DEXI: variants seen among roughly 807,000 people sequenced by gnomAD.
DEXI encodes the protein dexamethasone-induced protein.
DEXI carries 2 observed loss-of-function variants against 2.5 expected under a neutral mutation model. That is an observed-to-expected ratio of 0.81 (90% CI 0.33 to 2.55). The LOEUF (loss-of-function observed/expected upper bound fraction) is 2.55, where lower values mean the gene tolerates loss of function less well. DEXI is among the 30% of genes most tolerant of loss of function. DEXI has a pLI of 0.11. For synonymous variants in DEXI, 71 were observed against 68.7 expected, an observed-to-expected ratio of 1.03 and a Z score of -0.17; for missense variants, 108 against 130.3, an observed-to-expected ratio of 0.83 and a Z score of 0.83.
Position 10,929,522 on chromosome 16 carries a change from A to C in DEXI, c.*187T>G. 6.1e-6 allele frequency: 6 copies of C among 985,524 alleles called. No individual in the cohort carries two copies. The highest frequency in any genetic ancestry group is 7.2e-6 in the Non-Finnish European group (6 of 829,950). 61.0% of individuals were successfully genotyped at this position (985,524 alleles called of 1,614,324 possible). A position where few individuals can be genotyped will look rare whatever the true frequency, so the allele number is the denominator to read the frequency against. On this transcript the variant is annotated 3_prime_UTR_variant, in exon 2 of 2. Coordinates refer to ENST00000331808, the MANE Select transcript of DEXI (RefSeq NM_014015.4). This position sits in a 1 kb window ranked among gnomAD's most constrained non-coding sequence, Gnocchi z 4.3. ...TCCACTCTCCTGGGTTCAAACAGGA[A>C]CCTCTCTGTTGGCACGAAGCTTTTG...
rs189717734 is a variant in DEXI at position 10,937,399 on chromosome 16, G to A, written c.*149+4170C>T. The A allele has an allele frequency of 6.6e-6, 1 of 152,526 alleles. No individual in the cohort carries two copies. The highest frequency in any genetic ancestry group is 6.5e-5 in the Admixed American group (1 of 15,310). 9.4% of individuals were successfully genotyped at this position (152,526 alleles called of 1,614,324 possible). ...CCTGGGCAGCTCTATGTCCGGCACAGGGGTTCTGCTGATAGCACAGGCCAC... is the reference window on the plus strand; with the variant it reads ...CCTGGGCAGCTCTATGTCCGGCACAAGGGTTCTGCTGATAGCACAGGCCAC... On this transcript the variant is annotated intron_variant, in intron 1 of 1. Transcript: ENST00000331808. This position sits in a 1 kb window ranked among gnomAD's most constrained non-coding sequence, Gnocchi z 4.2.
At position 10,937,763 on chromosome 16, in the gene DEXI, C is replaced by T. The variant is rs2041049145; in HGVS notation, c.*149+3806G>A. ...AGGCCAGCCACTGCAGCCCTTTCTC[C>T]TGGGAAGGAGGGAGCTCCCGATTCC... On this transcript the variant is annotated intron_variant, in intron 1 of 1. Transcript: ENST00000331808. This position sits in a 1 kb window ranked among gnomAD's most constrained non-coding sequence, Gnocchi z 4.2. 1 of 152,270 alleles carries T rather than the reference C, an allele frequency of 6.6e-6. No individual in the cohort carries two copies. The highest frequency in any genetic ancestry group is 2.4e-5 in the African/African-American group (1 of 41,444). The allele number at this position is 152,270 out of a possible 1,614,324, so 9.4% of individuals were successfully genotyped here.
chr16:10,935,259 T>C (rs762875120), intron 1 of DEXI: 8 of 152,226 alleles, frequency 5.3e-5, no homozygotes, highest in Admixed American at 1.3e-4. Flanking sequence ...GAATCACATA[T>C]AGTGAGCAAG....
chr16:10,942,270 C>T lies in DEXI; in HGVS notation c.-265G>A, dbSNP rs563208905. 1,219 of 338,616 alleles carry T rather than the reference C, an allele frequency of 3.6e-3. 12 individuals are homozygous for T. Among genetic ancestry groups the T allele is most frequent in the Middle Eastern group, 0.025 (29 of 1,174 alleles). The allele number at this position is 338,616 out of a possible 1,614,324, so 21.0% of individuals were successfully genotyped here. On this transcript the variant is annotated 5_prime_UTR_variant, in exon 1 of 2. Coordinates refer to ENST00000331808, the MANE Select transcript of DEXI (RefSeq NM_014015.4). The surrounding 1 kb of genome is among the most constrained non-coding windows in gnomAD (Gnocchi z 5.0). ...GCCCCCCTGAAGTGGCCCGCGGCTG[C>T]CCGGCTCCCTCGTGGCGCCTCCCTG... is the stretch of plus-strand genomic sequence containing the variant.
Position 10,938,311 on chromosome 16 carries a change from T to C in DEXI, c.*149+3258A>G, listed in dbSNP as rs1216401924. 6.7e-6 allele frequency: 1 copy of C among 149,738 alleles called. No homozygotes were observed. The highest frequency in any genetic ancestry group is 2.0e-4 in the East Asian group (1 of 5,066). 9.3% of individuals were successfully genotyped at this position (149,738 alleles called of 1,614,324 possible). ...TAACCATGACCCTAATACTGCCTCC[T>C]CAAGTAGGTGCTCAGCAAATGTTTG... On this transcript the variant is annotated intron_variant, in intron 1 of 1. Coordinates refer to ENST00000331808, the MANE Select transcript of DEXI (RefSeq NM_014015.4). The surrounding 1 kb of genome is among the most constrained non-coding windows in gnomAD (Gnocchi z 4.9).
At position 10,934,041 on chromosome 16, in the gene DEXI, C is replaced by T. The variant is rs1042513215; in HGVS notation, c.*150-4482G>A. The T allele has an allele frequency of 6.6e-6, 1 of 152,210 alleles. No individual in the cohort carries two copies. Among genetic ancestry groups the T allele is most frequent in the African/African-American group, 2.4e-5 (1 of 41,454 alleles). 9.4% of individuals were successfully genotyped at this position (152,210 alleles called of 1,614,324 possible). A position where few individuals can be genotyped will look rare whatever the true frequency, so the allele number is the denominator to read the frequency against. ...CAACGTCACAGAGAAATGATGACCA[C>T]TTTCTCAAACCTGGCTTCGGATTTG... On this transcript the variant is annotated intron_variant, in intron 1 of 1. Transcript: ENST00000331808. The surrounding 1 kb of genome is among the most constrained non-coding windows in gnomAD (Gnocchi z 4.2).
rs2040933335 is a variant in DEXI at position 10,934,360 on chromosome 16, T to C, written c.*150-4801A>G. 6.6e-6 allele frequency: 1 copy of C among 152,188 alleles called. No homozygotes were observed. The highest frequency in any genetic ancestry group is 1.5e-5 in the Non-Finnish European group (1 of 68,038). The allele number at this position is 152,188 out of a possible 1,614,324, so 9.4% of individuals were successfully genotyped here. A position where few individuals can be genotyped will look rare whatever the true frequency, so the allele number is the denominator to read the frequency against. On this transcript the variant is annotated intron_variant, in intron 1 of 1. Coordinates refer to ENST00000331808, the MANE Select transcript of DEXI (RefSeq NM_014015.4). This position sits in a 1 kb window ranked among gnomAD's most constrained non-coding sequence, Gnocchi z 4.2. ...ACAGAAGGCAATGCTAAAAATACAA[T>C]GAAAATGGAACCAGGAAGTCTAGCT...
At position 10,937,789 on chromosome 16, in the gene DEXI, C is replaced by T. The variant is rs1202820732; in HGVS notation, c.*149+3780G>A. 6.6e-6 allele frequency: 1 copy of T among 152,250 alleles called. No individual in the cohort carries two copies. Among genetic ancestry groups the T allele is most frequent in the South Asian group, 2.1e-4 (1 of 4,830 alleles). 9.4% of individuals were successfully genotyped at this position (152,250 alleles called of 1,614,324 possible). A position where few individuals can be genotyped will look rare whatever the true frequency, so the allele number is the denominator to read the frequency against. On this transcript the variant is annotated intron_variant, in intron 1 of 1. Coordinates refer to ENST00000331808, the MANE Select transcript of DEXI (RefSeq NM_014015.4). The surrounding 1 kb of genome is among the most constrained non-coding windows in gnomAD (Gnocchi z 4.2). The stretch of plus-strand genomic sequence containing the variant: ...TGGGAAGGAGGGAGCTCCCGATTCC[C>T]CATTCCCTGCTCCTGGGCAACAATT...
At position 10,937,234 on chromosome 16, in the gene DEXI, G is replaced by GT. The variant is rs2145424507; in HGVS notation, c.*149+4334dup. The GT allele has an allele frequency of 6.6e-6, 1 of 152,430 alleles. No homozygotes were observed. The highest frequency in any genetic ancestry group is 1.5e-5 in the Non-Finnish European group (1 of 68,140). 9.4% of individuals were successfully genotyped at this position (152,430 alleles called of 1,614,324 possible). ...GGCCTGGGGGTATACTTGCCTCCCT[G>GT]TGTCACCATTGTCTGTCTCTTGCTT... On this transcript the variant is annotated intron_variant, in intron 1 of 1. Transcript: ENST00000331808. This position sits in a 1 kb window ranked among gnomAD's most constrained non-coding sequence, Gnocchi z 4.2.
rs2040924858 is a variant in DEXI at position 10,934,226 on chromosome 16, G to T, written c.*150-4667C>A. ...TCCTGCCACATCCAAGAACCACCTG[G>T]ACTATTATTTACTTAGTATTTTAAA... On this transcript the variant is annotated intron_variant, in intron 1 of 1. Coordinates refer to ENST00000331808, the MANE Select transcript of DEXI (RefSeq NM_014015.4). The surrounding 1 kb of genome is among the most constrained non-coding windows in gnomAD (Gnocchi z 4.2). The T allele has an allele frequency of 6.6e-6, 1 of 152,124 alleles. No individual in the cohort carries two copies. Among genetic ancestry groups the T allele is most frequent in the Admixed American group, 6.5e-5 (1 of 15,274 alleles). 9.4% of individuals were successfully genotyped at this position (152,124 alleles called of 1,614,324 possible).
At chr16:10,931,289 T>G (rs891837380) in intron 1 of DEXI, 2 of 152,666 alleles carry the variant, frequency 1.3e-5, no homozygotes, top group African/African-American at 2.4e-5. Context: ...CCAGCCTGGG[T>G]GACAGAGACC....
At chr16:10,932,020 G>A (rs554935597) in intron 1 of DEXI, 17 of 152,248 alleles carry the variant, frequency 1.1e-4, no homozygotes, top group Non-Finnish European at 1.9e-4. Context: ...TGAGGTTTGA[G>A]GATTTTGATC....
At position 10,941,640 on chromosome 16, in the gene DEXI, C is replaced by T; in HGVS notation, c.*78G>A. The stretch of plus-strand genomic sequence containing the variant: ...TCCAGATGGTGCCCCCAACCAGCTG[C>T]GGCGGCATGATCTGGGCGGCTGGTC... On this transcript the variant is annotated 3_prime_UTR_variant, in exon 1 of 2. Coordinates refer to ENST00000331808, the MANE Select transcript of DEXI (RefSeq NM_014015.4). The surrounding 1 kb of genome is among the most constrained non-coding windows in gnomAD (Gnocchi z 6.4). 1 of 1,528,810 alleles carries T rather than the reference C, an allele frequency of 6.5e-7. No individual in the cohort carries two copies. Among genetic ancestry groups the T allele is most frequent in the Non-Finnish European group, 8.8e-7 (1 of 1,138,016 alleles). 94.7% of individuals were successfully genotyped at this position (1,528,810 alleles called of 1,614,324 possible).
chr16:10,938,393 A>G lies in DEXI; in HGVS notation c.*149+3176T>C, dbSNP rs2041058869. The G allele has an allele frequency of 6.6e-6, 1 of 152,002 alleles. No individual in the cohort carries two copies. The highest frequency in any genetic ancestry group is 6.5e-5 in the Admixed American group (1 of 15,274). 9.4% of individuals were successfully genotyped at this position (152,002 alleles called of 1,614,324 possible). ...AGAAAAAAAAAAAAAAGAGGGAGCAAAAGTAGGTGCACCTGTTCATCTTGA... is the reference window on the plus strand; with the variant it reads ...AGAAAAAAAAAAAAAAGAGGGAGCAGAAGTAGGTGCACCTGTTCATCTTGA... On this transcript the variant is annotated intron_variant, in intron 1 of 1. Coordinates refer to ENST00000331808, the MANE Select transcript of DEXI (RefSeq NM_014015.4). This position sits in a 1 kb window ranked among gnomAD's most constrained non-coding sequence, Gnocchi z 4.9.
In DEXI at chr16:10,937,560, G is replaced by T. The variant is rs1039048371; in HGVS notation, c.*149+4009C>A. The T allele has an allele frequency of 6.6e-6, 1 of 152,238 alleles. No individual in the cohort carries two copies. Among genetic ancestry groups the T allele is most frequent in the East Asian group, 1.9e-4 (1 of 5,204 alleles). The allele number at this position is 152,238 out of a possible 1,614,324, so 9.4% of individuals were successfully genotyped here. On this transcript the variant is annotated intron_variant, in intron 1 of 1. Transcript: ENST00000331808. The surrounding 1 kb of genome is among the most constrained non-coding windows in gnomAD (Gnocchi z 4.2). ...TCAGCTCCAAATCTGAGCTGCACCAGGACAAGCTGACTCTGGTGGCAACGT... is the reference window on the plus strand; with the variant it reads ...TCAGCTCCAAATCTGAGCTGCACCATGACAAGCTGACTCTGGTGGCAACGT...
intron 1 of DEXI, chr16:10,935,153 G>A (rs2040976298): frequency 6.6e-6 from 1 of 152,256 alleles, no homozygotes; most frequent in Non-Finnish European, 1.5e-5. Context: ...AGTCTGAGGT[G>A]TTGGTGGAGC....
rs2041058979 is a variant in DEXI at position 10,938,403 on chromosome 16, C to G, written c.*149+3166G>C. 1 of 151,874 alleles carries G rather than the reference C, an allele frequency of 6.6e-6. No individual in the cohort carries two copies. The highest frequency in any genetic ancestry group is 1.5e-5 in the Non-Finnish European group (1 of 67,988). The allele number at this position is 151,874 out of a possible 1,614,324, so 9.4% of individuals were successfully genotyped here. A position where few individuals can be genotyped will look rare whatever the true frequency, so the allele number is the denominator to read the frequency against. On this transcript the variant is annotated intron_variant, in intron 1 of 1. Coordinates refer to ENST00000331808, the MANE Select transcript of DEXI (RefSeq NM_014015.4). This position sits in a 1 kb window ranked among gnomAD's most constrained non-coding sequence, Gnocchi z 4.9. ...AAAAAAGAGGGAGCAAAAGTAGGTG[C>G]ACCTGTTCATCTTGAGATTCATCCT...
intron 1 of DEXI, chr16:10,935,121 G>C (rs1380466385): frequency 6.6e-6 from 1 of 152,252 alleles, no homozygotes; most frequent in Non-Finnish European, 1.5e-5. Flanking sequence ...TACAGAGAAG[G>C]AAACCGAGGC....
At chr16:10,930,315 T>C (rs1352719498) in intron 1 of DEXI, 1 of 152,236 alleles carries the variant, frequency 6.6e-6, no homozygotes, top group Non-Finnish European at 1.5e-5. Context: ...GACAGGGTGC[T>C]ATTGACATTT....
Sources: allele counts gnomAD v4.1 joint callset, GRCh38; gene constraint gnomAD v4.1.1; non-coding constraint Gnocchi (gnomAD v3.1); transcripts MANE v1.5; gene names NCBI Gene and HGNC (gene_info 2026-07-23, HGNC 2026-07-21).